Variants in WDFY4 observed in about 807,000 individuals in gnomAD.
WDFY4 encodes WDFY family member 4.
WDFY4 carries 169 observed loss-of-function variants against 351.9 expected under a neutral mutation model. The ratio of observed to expected loss-of-function variants is 0.48; its 90% CI spans 0.42 to 0.55. WDFY4 has a LOEUF of 0.55. Among genes scored for constraint, WDFY4 ranks in the 20% least tolerant of loss-of-function variants. The pLI, the probability that WDFY4 is intolerant of heterozygous loss-of-function variation, is 0.00. For missense variants in WDFY4, 3,803 were observed against 3,935.6 expected (o/e 0.97, Z 0.90); for synonymous variants, 1,622 against 1,574.6 (o/e 1.03, Z -0.71).
At chr10:48,862,379 C>T (rs892365783) in intron 39 of WDFY4, among the ~76,000 whole-genome samples, 8 of 152,130 alleles carry the variant, frequency 5.3e-5, no homozygotes, top group South Asian at 2.1e-4. Context: ...GCCATGGACC[C>T]GGTATCTGAG....
At chr10:48,924,906 C>T (rs1313572263) in intron 47 of WDFY4, among the ~76,000 whole-genome samples, 2 of 152,232 alleles carry the variant, frequency 1.3e-5, no homozygotes, top group Non-Finnish European at 2.9e-5. Context: ...ATATTTCTGA[C>T]ATCCCTAAAT....
At chr10:48,942,922 G>A (rs774382651) in intron 48 of WDFY4, among the ~76,000 whole-genome samples, 8 of 152,196 alleles carry the variant, frequency 5.3e-5, no homozygotes, top group Non-Finnish European at 1.2e-4. Context: ...GCCTGGGAGT[G>A]AGGGCCTCTG....
rs777018622 is a variant in WDFY4 at position 48,729,464 on chromosome 10, C to T, written c.1004C>T (p.Pro335Leu). 1.4e-5 allele frequency: 21 copies of T among 1,551,346 alleles called. No individual in the cohort carries two copies. The highest frequency in any genetic ancestry group is 5.9e-5 in the Admixed American group (3 of 50,988). Residue 335 changes from proline (P) to leucine (L), a missense_variant, in exon 8 of 62, where the codon CCG (proline) becomes CTG (leucine). Physicochemically the swap from Pro to Leu is moderately conservative, Grantham distance 98. Coordinates refer to ENST00000325239, the MANE Select transcript of WDFY4 (RefSeq NM_001394531.1). ...YDGLTQSEVDPHLEELLGLVV... is the reference protein window; with the variant it reads ...YDGLTQSEVDLHLEELLGLVV... ...GGGCTGACCCAGAGCGAAGTGGACC[C>T]GCATCTGGAGGAGCTCCTTGGGCTG...
intron 24 of WDFY4, among the ~76,000 whole-genome samples, chr10:48,802,050 C>T (rs1029306304): frequency 6.6e-6 from 1 of 152,004 alleles, no homozygotes; most frequent in Non-Finnish European, 1.5e-5. Flanking sequence ...GTTACTTAGT[C>T]TCCCTGAGTC....
intron 54 of WDFY4, among the ~76,000 whole-genome samples, chr10:48,964,661 T>C (rs1841999437): frequency 6.6e-6 from 1 of 152,214 alleles, no homozygotes; most frequent in Non-Finnish European, 1.5e-5. Context: ...TCTGGTGAAA[T>C]TGTGAAGTCT....
intron 40 of WDFY4, among the ~76,000 whole-genome samples, chr10:48,867,753 G>C (rs1185616292): frequency 2.0e-5 from 3 of 152,206 alleles, no homozygotes; most frequent in Non-Finnish European, 4.4e-5. Flanking sequence ...CCCATGTGTG[G>C]TTATAGAATA....
chr10:48,686,333 A>AG (rs11402793), intron 1 of WDFY4, among the ~76,000 whole-genome samples: 2 of 150,336 alleles, frequency 1.3e-5, no homozygotes, highest in Non-Finnish European at 3.0e-5. Context: ...AAAAAAAAAA[A>AG]GAAGGAAAGA....
chr10:48,978,080 G>A (rs1842652618), intron 59 of WDFY4, among the ~76,000 whole-genome samples: 1 of 152,190 alleles, frequency 6.6e-6, no homozygotes, highest in Non-Finnish European at 1.5e-5. Flanking sequence ...GGACATGGGT[G>A]GGGTAAATTC....
chr10:48,867,960 A>T (rs933865401), intron 40 of WDFY4, among the ~76,000 whole-genome samples: 1 of 152,190 alleles, frequency 6.6e-6, no homozygotes, highest in African/African-American at 2.4e-5. Flanking sequence ...GGTGTTTGAA[A>T]CTTGTAGATG....
At chr10:48,757,553 C>A (rs2065373263) in intron 12 of WDFY4, among the ~76,000 whole-genome samples, 1 of 151,942 alleles carries the variant, frequency 6.6e-6, no homozygotes, top group African/African-American at 2.4e-5. Context: ...TCTTTCCATT[C>A]TGACAATAGT....
chr10:48,865,053 CT>C, intron 39 of WDFY4, among the ~76,000 whole-genome samples: 1 of 152,180 alleles, frequency 6.6e-6, no homozygotes, highest in East Asian at 1.9e-4. Flanking sequence ...CCTTTTATTT[CT>C]TTTTCTTGTC....
intron 29 of WDFY4, among the ~76,000 whole-genome samples, 167 bp downstream of exon 29, chr10:48,810,902 C>T (rs540141154): frequency 5.3e-5 from 8 of 152,330 alleles, no homozygotes; most frequent in African/African-American, 7.2e-5. Flanking sequence ...GCCCCCCTGA[C>T]ATCCTTTGCA....
chr10:48,802,757 G>A (rs199984740), intron 24 of WDFY4: 1 of 471,382 alleles, frequency 2.1e-6, no homozygotes. Context: ...TGTGGTTTGG[G>A]CTGAAGAATG....
rs771244926 is a variant in WDFY4, at chr10:48,709,792, T to G, written c.60T>G (p.Asn20Lys). The change falls in exon 2 of 62, where the codon AAT becomes AAG. Residue 20 changes from asparagine (N) to lysine (K), a missense_variant. Transcript: ENST00000325239. Reference protein sequence around the residue: ...EDRNEDPGSKNEGQLAAVQPD... With the variant: ...EDRNEDPGSKKEGQLAAVQPD... The stretch of plus-strand genomic sequence containing the variant: ...GAAATGAAGACCCAGGTTCCAAAAA[T>G]GAAGGGCAGCTTGCTGCTGTGCAGC... The G allele has an allele frequency of 1.7e-5, 26 of 1,551,792 alleles. No individual in the cohort carries two copies. The highest frequency in any genetic ancestry group is 2.2e-5 in the Non-Finnish European group (25 of 1,147,036).
At chr10:48,805,582 T>C (rs2067226780) in intron 26 of WDFY4, among the ~76,000 whole-genome samples, 161 bp downstream of exon 26, 1 of 152,210 alleles carries the variant, frequency 6.6e-6, no homozygotes, top group Non-Finnish European at 1.5e-5. Context: ...GATGGTTTGC[T>C]GAAGTCAGGA....
intron 21 of WDFY4, among the ~76,000 whole-genome samples, chr10:48,789,186 T>C (rs777940411): frequency 7.2e-5 from 11 of 152,202 alleles, no homozygotes; most frequent in Non-Finnish European, 1.5e-4. Context: ...TTGCTGTGAT[T>C]AAAACAACAA....
At chr10:48,795,471 T>C (rs916655438) in intron 23 of WDFY4, among the ~76,000 whole-genome samples, 24 of 140,912 alleles carry the variant, frequency 1.7e-4, no homozygotes, top group African/African-American at 6.2e-4. Flanking sequence ...TGCTGTGGGA[T>C]TTCATATATG....
intron 4 of WDFY4, among the ~76,000 whole-genome samples, chr10:48,721,857 G>A (rs746707750): frequency 7.2e-5 from 11 of 152,158 alleles, no homozygotes; most frequent in Non-Finnish European, 1.6e-4. Context: ...CCCATGCTCT[G>A]AGCCACTGTT....
intron 47 of WDFY4, among the ~76,000 whole-genome samples, chr10:48,918,551 C>G (rs1004618790): frequency 6.6e-6 from 1 of 152,112 alleles, no homozygotes; most frequent in Admixed American, 6.5e-5. Context: ...ATGTACCTAA[C>G]AGCAGAGCTT....
Sources: gnomAD v4.1 joint callset for allele counts (sites outside exome capture counted in the v4.1 genomes callset) on GRCh38, gnomAD v4.1.1 for gene constraint, MANE v1.5 for transcripts, NCBI Gene and HGNC (gene_info 2026-07-23, HGNC 2026-07-21) for gene names.